The following MBD5 variants were observed in gnomAD, a reference collection of about 807,000 sequenced individuals.
MBD5 encodes methyl-CpG-binding domain protein 5.
MBD5 carries 13 observed loss-of-function variants against 117.3 expected under a neutral mutation model. The ratio of observed to expected loss-of-function variants is 0.11; its 90% CI spans 0.07 to 0.18. The LOEUF is 0.18. MBD5 is among the 10% of genes least tolerant of loss of function. The pLI is 1.00. For synonymous variants in MBD5, 727 were observed against 766.4 expected (o/e 0.95, Z 0.85); for missense variants, 1,879 against 2,093.8 (o/e 0.90, Z 2.00).
chr2:148,044,895 C>G (rs1027450887), intron 1 of MBD5: 2 of 151,960 alleles, frequency 1.3e-5, no homozygotes, highest in African/African-American at 4.8e-5. Flanking sequence ...TTGGTGATTT[C>G]CCTGCTGCCT....
At chr2:148,453,300 T>C (rs1979037) in intron 4 of MBD5, among the ~76,000 whole-genome samples, 135,963 of 152,186 alleles carry the variant, frequency 0.89, 61,064 homozygotes, top group East Asian at 1. Context: ...ATCAAGTTGC[T>C]AAAATTCAAT....
intron 1 of MBD5, among the ~76,000 whole-genome samples, chr2:148,029,490 C>A (rs1348087708): frequency 6.6e-6 from 1 of 152,150 alleles, no homozygotes; most frequent in African/African-American, 2.4e-5. Context: ...TGAAAGGAGT[C>A]TAGTCCCACA....
chr2:148,334,740 A>G (rs1033720930), intron 3 of MBD5, among the ~76,000 whole-genome samples: 2 of 152,180 alleles, frequency 1.3e-5, no homozygotes, highest in African/African-American at 4.8e-5. Flanking sequence ...TTTATGAATA[A>G]TAGATACTGT....
chr2:148,109,859 T>C, intron 1 of MBD5, among the ~76,000 whole-genome samples: 1 of 152,276 alleles, frequency 6.6e-6, no homozygotes, highest in Non-Finnish European at 1.5e-5. Context: ...AATTCCTCAA[T>C]AAGTTATATG....
chr2:148,025,517 A>G (rs1693867621), intron 1 of MBD5: 1 of 150,750 alleles, frequency 6.6e-6, no homozygotes, highest in Non-Finnish European at 1.5e-5. Context: ...ATGACCAACA[A>G]TGTTCATTAA....
intron 4 of MBD5, among the ~76,000 whole-genome samples, chr2:148,370,983 G>C (rs943692899): frequency 3.3e-5 from 5 of 152,108 alleles, no homozygotes; most frequent in African/African-American, 1.2e-4. Flanking sequence ...TTTTAATATA[G>C]TTTGGTGTTT....
intron 4 of MBD5, among the ~76,000 whole-genome samples, chr2:148,447,172 G>GA (rs1559075516): frequency 1.7e-3 from 106 of 63,644 alleles, no homozygotes; most frequent in African/African-American, 6.1e-3. Flanking sequence ...AGGAAGAAAG[G>GA]AAGAAGGAAA....
intron 4 of MBD5, among the ~76,000 whole-genome samples, chr2:148,385,699 T>G (rs1360318594): frequency 6.6e-6 from 1 of 151,182 alleles, no homozygotes; most frequent in Non-Finnish European, 1.5e-5. Flanking sequence ...AGCAAAGACT[T>G]GGAACCAACC....
chr2:148,131,218 T>G (rs1697039015), intron 1 of MBD5, among the ~76,000 whole-genome samples: 1 of 152,178 alleles, frequency 6.6e-6, no homozygotes, highest in African/African-American at 2.4e-5. Flanking sequence ...TATGAGGGTT[T>G]TTTTGTTTGT....
At chr2:148,511,804 TA>T (rs1682222571) in intron 13 of MBD5, among the ~76,000 whole-genome samples, 1 of 152,222 alleles carries the variant, frequency 6.6e-6, no homozygotes, top group Admixed American at 6.5e-5. Context: ...GAAAAACCCA[TA>T]AACATTATTT....
intron 11 of MBD5, among the ~76,000 whole-genome samples, chr2:148,496,546 A>C (rs1265986783): frequency 6.6e-6 from 1 of 152,254 alleles, no homozygotes; most frequent in Non-Finnish European, 1.5e-5. Flanking sequence ...GATAGGAAGC[A>C]GGAAATAGAT....
intron 3 of MBD5, among the ~76,000 whole-genome samples, chr2:148,310,215 G>A (rs1434973443): frequency 2.0e-5 from 3 of 152,156 alleles, no homozygotes; most frequent in Non-Finnish European, 4.4e-5. Flanking sequence ...GTTTCAGAAG[G>A]AATGGTACCA....
intron 1 of MBD5, among the ~76,000 whole-genome samples, chr2:148,033,260 A>G (rs1694091584): frequency 6.6e-6 from 1 of 152,222 alleles, no homozygotes; most frequent in Non-Finnish European, 1.5e-5. Flanking sequence ...TGTCAGCAAT[A>G]CAGATGCCAA....
chr2:148,485,845 G>GCAA lies in MBD5; in HGVS notation c.3650_3652dup (p.Gln1217dup). On this transcript the variant is annotated inframe_insertion, in exon 10 of 14. Coordinates refer to ENST00000642680, the MANE Select transcript of MBD5 (RefSeq NM_001378120.1). Reference sequence around the variant, plus strand: ...TGTTTCCTCCAAATCAGCAACAGCAGCAACTTCTCCAGGGGTACCAGAATC... The same window carrying GCAA: ...TGTTTCCTCCAAATCAGCAACAGCAGCAACAACTTCTCCAGGGGTACCAGAATC... 6.2e-7 allele frequency: 1 copy of GCAA among 1,614,110 alleles called. No individual in the cohort carries two copies. Among genetic ancestry groups the GCAA allele is most frequent in the Non-Finnish European group, 8.5e-7 (1 of 1,179,972 alleles).
intron 1 of MBD5, chr2:148,068,561 C>T (rs1449719526): frequency 6.6e-6 from 1 of 152,190 alleles, no homozygotes; most frequent in Non-Finnish European, 1.5e-5. Context: ...GAGCTCTTGT[C>T]ACACAGGATT....
intron 3 of MBD5, among the ~76,000 whole-genome samples, chr2:148,251,719 A>G (rs1700469533): frequency 6.6e-6 from 1 of 152,166 alleles, no homozygotes; most frequent in South Asian, 2.1e-4. Context: ...TAGTATGTGT[A>G]AAAATGTTTA....
intron 1 of MBD5, among the ~76,000 whole-genome samples, chr2:148,037,047 A>G (rs541543594): frequency 6.6e-6 from 1 of 152,006 alleles, no homozygotes; most frequent in Non-Finnish European, 1.5e-5. Flanking sequence ...ATTTATGCTC[A>G]TAATTGCTTA....
chr2:148,486,314 A>G (rs1681339151), intron 10 of MBD5, among the ~76,000 whole-genome samples: 1 of 152,164 alleles, frequency 6.6e-6, no homozygotes, highest in Non-Finnish European at 1.5e-5. Context: ...CTTCAGCCAC[A>G]TGGTATTTCT....
intron 8 of MBD5, among the ~76,000 whole-genome samples, chr2:148,474,728 T>G (rs925857997): frequency 1.3e-5 from 2 of 152,126 alleles, no homozygotes; most frequent in Non-Finnish European, 2.9e-5. Context: ...TATACTTATA[T>G]TTTTTTAACT....
Sources: allele counts gnomAD v4.1 joint callset (sites outside exome capture counted in the v4.1 genomes callset), GRCh38; gene constraint gnomAD v4.1.1; transcripts MANE v1.5; gene names NCBI Gene and HGNC (gene_info 2026-07-23, HGNC 2026-07-21).